SUPT3H: variants seen among roughly 807,000 people sequenced by gnomAD.
The protein encoded by SUPT3H is SPT3 homolog, SAGA and STAGA complex component, also known as transcription initiation protein SPT3 homolog.
A neutral mutation model predicts 44.3 loss-of-function variants in SUPT3H; 44 were observed. The observed-to-expected ratio is 0.99, with a 90% CI of 0.78 to 1.28. SUPT3H has a LOEUF of 1.28. SUPT3H is among the 50% of genes most tolerant of loss of function. The pLI is 0.00. For synonymous variants in SUPT3H, 124 were observed against 125.6 expected (o/e 0.99, Z 0.09); for missense variants, 380 against 387.1 (o/e 0.98, Z 0.15).
intron 9 of SUPT3H, among the ~76,000 whole-genome samples, chr6:44,948,670 G>A (rs2153471611): frequency 6.6e-6 from 1 of 152,270 alleles, no homozygotes; most frequent in African/African-American, 2.4e-5. Flanking sequence ...TCAGAGAAAT[G>A]CAAATCAAAA....
At chr6:44,849,946 T>C (rs968408876) in intron 10 of SUPT3H, among the ~76,000 whole-genome samples, 12 of 152,332 alleles carry the variant, frequency 7.9e-5, no homozygotes, top group Admixed American at 3.3e-4. Flanking sequence ...TTTGTAATAA[T>C]GCCCCCAGGA....
chr6:44,997,987 A>G (rs1035719121), intron 6 of SUPT3H, among the ~76,000 whole-genome samples: 5 of 151,980 alleles, frequency 3.3e-5, no homozygotes, highest in African/African-American at 9.6e-5. Context: ...AAAAAATCCT[A>G]CTCAGTTGTG....
intron 2 of SUPT3H, among the ~76,000 whole-genome samples, chr6:45,196,283 T>A (rs193206952): frequency 3.9e-4 from 59 of 152,220 alleles, no homozygotes; most frequent in African/African-American, 1.4e-3. Flanking sequence ...TTTGGTTGTT[T>A]CCAATTTCTA....
At chr6:45,005,841 A>C (rs555087700) in intron 5 of SUPT3H, among the ~76,000 whole-genome samples, 1 of 152,050 alleles carries the variant, frequency 6.6e-6, no homozygotes, top group South Asian at 2.1e-4. Context: ...TAAATTTGTA[A>C]AGGTTTACTT....
At chr6:45,355,449 G>A (rs964206702) in intron 2 of SUPT3H, among the ~76,000 whole-genome samples, 1 of 151,928 alleles carries the variant, frequency 6.6e-6, no homozygotes, top group Non-Finnish European at 1.5e-5. Flanking sequence ...AATTTCCAGG[G>A]TTTTTCATTG....
Position 44,953,428 on chromosome 6 carries a change from A to G in SUPT3H, c.694-11T>C, listed in dbSNP as rs1774622761. 3.7e-6 allele frequency: 6 copies of G among 1,607,840 alleles called. No homozygotes were observed. The East Asian group carries it at 1.1e-4, about 30-fold the overall frequency. On this transcript the variant is annotated splice_polypyrimidine_tract_variant and intron_variant, in intron 8 of 10. Transcript: ENST00000371459. ...AGCCAGATCCACTAACTAGAAGACCAGAAGAATGAAAGTCACATAGCTAGA... is the reference window on the plus strand; with the variant it reads ...AGCCAGATCCACTAACTAGAAGACCGGAAGAATGAAAGTCACATAGCTAGA...
intron 6 of SUPT3H, among the ~76,000 whole-genome samples, chr6:44,987,134 G>A (rs1159465810): frequency 6.6e-6 from 1 of 152,134 alleles, no homozygotes; most frequent in African/African-American, 2.4e-5. Context: ...ACATGGCAGA[G>A]ATCTCTAGAG....
At chr6:44,865,668 T>A (rs1157270462) in intron 10 of SUPT3H, among the ~76,000 whole-genome samples, 2 of 152,168 alleles carry the variant, frequency 1.3e-5, no homozygotes, top group Non-Finnish European at 2.9e-5. Flanking sequence ...ACCACCATGA[T>A]TCAATTATCT....
chr6:45,317,466 A>C (rs966311471), intron 2 of SUPT3H, among the ~76,000 whole-genome samples: 2 of 152,134 alleles, frequency 1.3e-5, no homozygotes, highest in Non-Finnish European at 2.9e-5. Flanking sequence ...TACAGTAATC[A>C]AAACAGCATG....
intron 10 of SUPT3H, among the ~76,000 whole-genome samples, chr6:44,853,337 T>C (rs1773201903): frequency 6.6e-6 from 1 of 151,994 alleles, no homozygotes; most frequent in South Asian, 2.1e-4. Context: ...CTCGAGAAGC[T>C]CTAAAATCAT....
intron 4 of SUPT3H, among the ~76,000 whole-genome samples, chr6:45,017,776 G>A (rs1332452823): frequency 6.9e-6 from 1 of 144,100 alleles, no homozygotes; most frequent in African/African-American, 2.6e-5. Context: ...AAGTCAGGTA[G>A]CGTGATGCCT....
Position 45,253,848 on chromosome 6 carries a change from CATATATAT to C in SUPT3H, c.101+111345_101+111352del, listed in dbSNP as rs34256293. Among the ~76,000 whole-genome samples, 23 of 88,764 alleles carry C rather than the reference CATATATAT, an allele frequency of 2.6e-4. 2 individuals carry two copies. The highest frequency in any genetic ancestry group is 1.2e-3 in the South Asian group (3 of 2,412). The allele number at this position is 88,764 out of a possible 152,430, so 58.2% of individuals were successfully genotyped here. A position where few individuals can be genotyped will look rare whatever the true frequency, so the allele number is the denominator to read the frequency against. ...AAAAATACACACGTACACATATACGCATATATATATATATATATATATATACACACACA... is the reference window on the plus strand; with the variant it reads ...AAAAATACACACGTACACATATACGCATATATATATATATATACACACACA... On this transcript the variant is annotated intron_variant, in intron 2 of 10. Coordinates refer to ENST00000371459, the MANE Select transcript of SUPT3H (RefSeq NM_003599.4).
At chr6:44,878,649 G>C (rs755521919) in intron 10 of SUPT3H, among the ~76,000 whole-genome samples, 5 of 152,072 alleles carry the variant, frequency 3.3e-5, no homozygotes, top group Non-Finnish European at 7.4e-5. Context: ...GGCTGAATAG[G>C]AACCACTCTG....
chr6:44,824,683 T>A (rs1767607491), downstream of SUPT3H, among the ~76,000 whole-genome samples: 1 of 152,120 alleles, frequency 6.6e-6, no homozygotes, highest in South Asian at 2.1e-4. Context: ...GGTGGGAGGA[T>A]CACTTGAGTC....
At chr6:45,024,970 C>G (rs1234843882) in intron 3 of SUPT3H, among the ~76,000 whole-genome samples, 1 of 151,722 alleles carries the variant, frequency 6.6e-6, no homozygotes, top group Non-Finnish European at 1.5e-5. Context: ...TGGAACTAAA[C>G]ATCTACACAT....
chr6:44,887,773 C>G (rs1455701480), intron 10 of SUPT3H, among the ~76,000 whole-genome samples: 2 of 151,154 alleles, frequency 1.3e-5, no homozygotes, highest in Admixed American at 1.3e-4. Flanking sequence ...AAAATCAGAG[C>G]AGAACTGAAG....
chr6:44,901,588 G>C (rs1765066529), intron 10 of SUPT3H, among the ~76,000 whole-genome samples: 2 of 151,810 alleles, frequency 1.3e-5, no homozygotes, highest in African/African-American at 4.8e-5. Context: ...AACCAAGTTG[G>C]AAAACACTCT....
chr6:44,890,699 G>A (rs1351626654), intron 10 of SUPT3H, among the ~76,000 whole-genome samples: 1 of 150,568 alleles, frequency 6.6e-6, no homozygotes, highest in African/African-American at 2.4e-5. Flanking sequence ...CATGGCACAT[G>A]TATGCATATG....
chr6:45,011,005 T>G (rs1200163965), intron 5 of SUPT3H, among the ~76,000 whole-genome samples: 2 of 152,282 alleles, frequency 1.3e-5, no homozygotes, highest in East Asian at 3.9e-4. Flanking sequence ...TTCTGTTAAT[T>G]TGATGCATTA....
Sources: gnomAD v4.1 joint callset for allele counts (sites outside exome capture counted in the v4.1 genomes callset) on GRCh38, gnomAD v4.1.1 for gene constraint, MANE v1.5 for transcripts, NCBI Gene and HGNC (gene_info 2026-07-23, HGNC 2026-07-21) for gene names.